The following SND1 variants were observed in gnomAD, a reference collection of about 807,000 sequenced individuals.
The protein encoded by SND1 is staphylococcal nuclease domain-containing protein 1.
In SND1, 38 loss-of-function variants were observed where a neutral mutation model predicts 121.7. The ratio of observed to expected loss-of-function variants is 0.31; its 90% CI spans 0.24 to 0.41. The LOEUF (loss-of-function observed/expected upper bound fraction) is 0.41, where lower values mean the gene tolerates loss of function less well. Among genes scored for constraint, SND1 ranks in the 10% least tolerant of loss-of-function variants. The pLI, the probability that SND1 is intolerant of heterozygous loss-of-function variation, is 1.00. For missense variants in SND1, 868 were observed against 1,184.6 expected (o/e 0.73, Z 3.92); for synonymous variants, 401 against 447.4 (o/e 0.90, Z 1.31).
At chr7:127,730,607 A>G (rs985006513) in intron 10 of SND1, among the ~76,000 whole-genome samples, 2 of 152,244 alleles carry the variant, frequency 1.3e-5, no homozygotes, top group African/African-American at 4.8e-5. Context: ...GATAGCCCAC[A>G]TGATGGACGC....
chr7:127,922,199 T>TTTTTGTTTTGTTTTG lies in SND1; in HGVS notation c.1528-6978_1528-6977insTTTGTTTTGTTTTGT, dbSNP rs1554443304. ...CCTTTTTTTTTTTTTTTTTTTTTTTTTTTTGTTTTGTGAGGCAAGATCCCA... is the reference window on the plus strand; with the variant it reads ...CCTTTTTTTTTTTTTTTTTTTTTTTTTTTTGTTTTGTTTTGTTTTGTTTTGTGAGGCAAGATCCCA... On this transcript the variant is annotated intron_variant, in intron 14 of 23. Coordinates refer to ENST00000354725, the MANE Select transcript of SND1 (RefSeq NM_014390.4). Among the ~76,000 whole-genome samples the TTTTTGTTTTGTTTTG allele has an allele frequency of 5.8e-4, 54 of 93,524 alleles. 1 individual carries two copies. Among genetic ancestry groups the TTTTTGTTTTGTTTTG allele is most frequent in the Middle Eastern group, 5.2e-3 (1 of 194 alleles). The allele number at this position is 93,524 out of a possible 152,430, so 61.4% of individuals were successfully genotyped here.
intron 12 of SND1, among the ~76,000 whole-genome samples, chr7:127,874,681 C>T (rs537336508): frequency 3.9e-5 from 6 of 152,100 alleles, no homozygotes; most frequent in African/African-American, 7.2e-5. Context: ...TTCTACTTTA[C>T]GTTGGAATAT....
chr7:127,780,307 T>A (rs1235043415), intron 10 of SND1, among the ~76,000 whole-genome samples: 1 of 152,252 alleles, frequency 6.6e-6, no homozygotes, highest in East Asian at 1.9e-4. Flanking sequence ...CTAGTCAATG[T>A]GTAAAACAAC....
intron 13 of SND1, among the ~76,000 whole-genome samples, chr7:127,899,461 A>G (rs1227864925): frequency 2.0e-5 from 3 of 152,196 alleles, no homozygotes; most frequent in Non-Finnish European, 4.4e-5. Context: ...GGGGAAAGCA[A>G]AAGCCCAGGG....
intron 6 of SND1, 90 bp from the exon 7 acceptor site, chr7:127,703,075 T>G: frequency 7.2e-7 from 1 of 1,390,450 alleles, no homozygotes. Context: ...CTTCGTGGCA[T>G]GTGTGTTTTT....
At chr7:128,082,655 G>A (rs924704489) in intron 18 of SND1, among the ~76,000 whole-genome samples, 9 of 152,164 alleles carry the variant, frequency 5.9e-5, no homozygotes, top group East Asian at 3.9e-4. Flanking sequence ...GAACCGGGGC[G>A]GTGGCCAGCC....
intron 17 of SND1, among the ~76,000 whole-genome samples, chr7:128,078,667 G>T (rs1028533112): frequency 1.3e-5 from 2 of 152,248 alleles, no homozygotes; most frequent in Non-Finnish European, 2.9e-5. Flanking sequence ...GACACCTGAT[G>T]CTGTCACCCA....
chr7:127,995,984 G>A (rs1181472151), intron 16 of SND1, among the ~76,000 whole-genome samples: 1 of 152,028 alleles, frequency 6.6e-6, no homozygotes, highest in Non-Finnish European at 1.5e-5. Context: ...TCCTCATGCT[G>A]GACAGCCCCA....
At chr7:127,898,994 G>A (rs989684069) in intron 13 of SND1, among the ~76,000 whole-genome samples, 2 of 152,084 alleles carry the variant, frequency 1.3e-5, no homozygotes, top group African/African-American at 4.8e-5. Context: ...CATTGTCACT[G>A]TCTCCAATTT....
chr7:128,027,245 G>A (rs917862767), intron 16 of SND1: 6 of 151,612 alleles, frequency 4.0e-5, no homozygotes, highest in Non-Finnish European at 8.8e-5. Flanking sequence ...TCATTAGATG[G>A]ACCAGAATAA....
chr7:128,007,967 T>A (rs1051829890), intron 16 of SND1: 4 of 152,216 alleles, frequency 2.6e-5, no homozygotes, highest in African/African-American at 9.6e-5. Context: ...CACTTTCACA[T>A]GGTAAATTTC....
chr7:127,724,711 C>T (rs756481166), intron 10 of SND1, among the ~76,000 whole-genome samples: 23 of 152,072 alleles, frequency 1.5e-4, no homozygotes, highest in Admixed American at 2.6e-4. Flanking sequence ...ACTCTTGTTT[C>T]GGTTGTTTGA....
intron 11 of SND1, among the ~76,000 whole-genome samples, chr7:127,833,969 A>AT (rs1798815837): frequency 1.3e-5 from 2 of 150,142 alleles, no homozygotes; most frequent in African/African-American, 5.0e-5. Context: ...TTTGTAAGTA[A>AT]GTTTTTTTTT....
intron 15 of SND1, among the ~76,000 whole-genome samples, chr7:127,984,649 A>G (rs1276103891): frequency 2.0e-5 from 3 of 152,246 alleles, no homozygotes; most frequent in Non-Finnish European, 4.4e-5. Context: ...AAAGATTAAA[A>G]TCTGAATATG....
intron 14 of SND1, among the ~76,000 whole-genome samples, chr7:127,921,336 T>C (rs1476831684): frequency 6.6e-6 from 1 of 152,192 alleles, no homozygotes; most frequent in African/African-American, 2.4e-5. Flanking sequence ...TCTAACCCCT[T>C]GCTTTCTCAT....
At chr7:127,978,950 G>C (rs1481568131) in intron 15 of SND1, among the ~76,000 whole-genome samples, 2 of 151,952 alleles carry the variant, frequency 1.3e-5, no homozygotes, top group East Asian at 3.9e-4. Context: ...GCCTCCCAAA[G>C]TGCTGGGATT....
At chr7:127,889,190 C>T (rs959740048) in intron 13 of SND1, among the ~76,000 whole-genome samples, 2 of 151,966 alleles carry the variant, frequency 1.3e-5, no homozygotes, top group Non-Finnish European at 2.9e-5. Context: ...TTTTTTAAAG[C>T]TCATTAATGG....
chr7:127,889,626 ATT>A (rs71522260), intron 13 of SND1, among the ~76,000 whole-genome samples: 6 of 147,778 alleles, frequency 4.1e-5, no homozygotes, highest in Non-Finnish European at 9.0e-5. Flanking sequence ...CTTTCAAGCT[ATT>A]TTTTTTTTTG....
chr7:127,975,465 G>A (rs1274755989), intron 15 of SND1, among the ~76,000 whole-genome samples: 2 of 150,384 alleles, frequency 1.3e-5, no homozygotes, highest in Admixed American at 1.3e-4. Context: ...GTGTAAGAGA[G>A]ATTGACTCCC....
Sources: allele counts gnomAD v4.1 joint callset (sites outside exome capture counted in the v4.1 genomes callset), GRCh38; gene constraint gnomAD v4.1.1; transcripts MANE v1.5; gene names NCBI Gene and HGNC (gene_info 2026-07-23, HGNC 2026-07-21).